The following NAP1L4 variants were observed in gnomAD, a reference collection of about 807,000 sequenced individuals.
NAP1L4 encodes the protein nucleosome assembly protein 1 like 4, also known as nucleosome assembly protein 1-like 4.
NAP1L4 carries 15 observed loss-of-function variants against 58.2 expected under a neutral mutation model. That is an observed-to-expected ratio of 0.26 (90% CI 0.17 to 0.40). NAP1L4 has a LOEUF of 0.40. NAP1L4 is among the 10% of genes least tolerant of loss of function. The probability of loss-of-function intolerance (pLI) is 1.00; values close to 1 mark genes in which losing one functional copy is unlikely to be tolerated. For missense variants in NAP1L4, 384 were observed against 451.1 expected, an observed-to-expected ratio of 0.85 and a Z score of 1.35; for synonymous variants, 171 against 155.6, an observed-to-expected ratio of 1.10 and a Z score of -0.74.
At chr11:2,953,975 G>A (rs1846377513) in intron 12 of NAP1L4, among the ~76,000 whole-genome samples, 1 of 152,222 alleles carries the variant, frequency 6.6e-6, no homozygotes, top group African/African-American at 2.4e-5. Context: ...GCGGTACTTG[G>A]GCTGTGCACC....
At position 2,971,894 on chromosome 11, in the gene NAP1L4, T is replaced by C. The variant is rs745484985; in HGVS notation, c.315+208A>G. Among the ~76,000 whole-genome samples, 3 of 152,230 alleles carry C rather than the reference T, an allele frequency of 2.0e-5. No individual in the cohort carries two copies. The highest frequency in any genetic ancestry group is 1.9e-4 in the East Asian group (1 of 5,200). ...ACGCGAGATACTCAGCACTTTATTA[T>C]AAAATAGGCTTTGTGGAAGATGATT... is the stretch of plus-strand genomic sequence containing the variant. On this transcript the variant is annotated intron_variant, in intron 5 of 15. Transcript: ENST00000380542. This position sits in a 1 kb window ranked among gnomAD's most constrained non-coding sequence, Gnocchi z 4.2.
rs1273828711 is a variant in NAP1L4 at position 2,971,649 on chromosome 11, CTTATT to C, written c.316-120_316-116del. The stretch of plus-strand genomic sequence containing the variant: ...CTTTGAAAACTGGATATTTTTATAA[CTTATT>C]TTAAGATTCTAAATTTTAGGGTTCA... On this transcript the variant is annotated intron_variant, in intron 5 of 15. Transcript: ENST00000380542. This position sits in a 1 kb window ranked among gnomAD's most constrained non-coding sequence, Gnocchi z 4.2. 26 of 813,316 alleles carry C rather than the reference CTTATT, an allele frequency of 3.2e-5. 1 individual carries two copies. Among genetic ancestry groups the C allele is most frequent in the Middle Eastern group, 7.1e-4 (2 of 2,810 alleles). 50.4% of individuals were successfully genotyped at this position (813,316 alleles called of 1,614,324 possible). A position where few individuals can be genotyped will look rare whatever the true frequency, so the allele number is the denominator to read the frequency against.
Position 2,949,170 on chromosome 11 carries a change from TGTATAAA to T in NAP1L4, c.*32+50_*32+56del, listed in dbSNP as rs1347137916. The stretch of plus-strand genomic sequence containing the variant: ...TTTATTCAAAGTCAAAACAATGCAT[TGTATAAA>T]GTATAGATCAGAAGTTTGGAAGTTA... On this transcript the variant is annotated intron_variant, in intron 15 of 15. Transcript: ENST00000380542. The surrounding 1 kb of genome is among the most constrained non-coding windows in gnomAD (Gnocchi z 4.0). 7.4e-7 allele frequency: 1 copy of T among 1,354,276 alleles called. No homozygotes were observed. Among genetic ancestry groups the T allele is most frequent in the Non-Finnish European group, 1.0e-6 (1 of 954,712 alleles). The allele number at this position is 1,354,276 out of a possible 1,614,324, so 83.9% of individuals were successfully genotyped here.
intron 9 of NAP1L4, 135 bp from the exon 10 acceptor site, chr11:2,958,679 T>C (rs1004024668): frequency 1.1e-5 from 9 of 849,824 alleles, no homozygotes; most frequent in Non-Finnish European, 1.4e-5. Context: ...CCAAATACAA[T>C]GGCCCATGAA....
intron 7 of NAP1L4, 152 bp downstream of exon 7, chr11:2,969,651 G>A (rs1847515988): frequency 2.9e-6 from 2 of 685,554 alleles, no homozygotes; most frequent in South Asian, 5.6e-5. Context: ...GTGAGATCAG[G>A]ACTGCTCATC....
chr11:2,953,240 A>G (rs540560581), intron 12 of NAP1L4, among the ~76,000 whole-genome samples: 3 of 152,384 alleles, frequency 2.0e-5, no homozygotes, highest in African/African-American at 7.2e-5. Flanking sequence ...CACAGTGCTC[A>G]CCAGCAGTAC....
chr11:2,987,359 G>T (rs1227203205), intron 1 of NAP1L4, among the ~76,000 whole-genome samples: 1 of 151,536 alleles, frequency 6.6e-6, no homozygotes, highest in Non-Finnish European at 1.5e-5. Context: ...GCGGGAGAGG[G>T]TCTCAAACTC....
At chr11:2,970,337 C>CA (rs970737475) in intron 6 of NAP1L4, among the ~76,000 whole-genome samples, 1 of 151,152 alleles carries the variant, frequency 6.6e-6, no homozygotes, top group South Asian at 2.1e-4. Context: ...TAGCACTGGG[C>CA]AAAAAAAGTC....
intron 6 of NAP1L4, among the ~76,000 whole-genome samples, chr11:2,970,258 C>T (rs1403087945): frequency 6.6e-6 from 1 of 152,162 alleles, no homozygotes; most frequent in Non-Finnish European, 1.5e-5. Context: ...AGACAATCAT[C>T]ATCACAAATG....
In NAP1L4 at chr11:2,951,077, A is replaced by C. The variant is rs1846198438; in HGVS notation, c.1122+182T>G. The C allele has an allele frequency of 1.7e-5, 11 of 649,776 alleles. No individual in the cohort carries two copies. Among genetic ancestry groups the C allele is most frequent in the Non-Finnish European group, 2.7e-5 (10 of 366,690 alleles). The allele number at this position is 649,776 out of a possible 1,614,324, so 40.3% of individuals were successfully genotyped here. On this transcript the variant is annotated intron_variant, in intron 14 of 15. Transcript: ENST00000380542. This position sits in a 1 kb window ranked among gnomAD's most constrained non-coding sequence, Gnocchi z 4.0. ...AAGCTTCTACTGAGTATGTACACTC[A>C]ACACTCAAATTATAGACACAGTGTC...
At position 2,951,804 on chromosome 11, in the gene NAP1L4, T is replaced by G. The variant is rs1302802086; in HGVS notation, c.1041A>C (p.Glu347Asp). The G allele has an allele frequency of 6.2e-7, 1 of 1,613,988 alleles. No homozygotes were observed. The highest frequency in any genetic ancestry group is 1.3e-5 in the African/African-American group (1 of 74,916). Residue 347 changes from glutamate (E) to aspartate (D), a missense_variant, in exon 13 of 16, where the codon GAA becomes GAC. This residue lies in a region of NAP1L4 where 296 missense variants were observed against 360.8 expected (regional missense o/e 0.82). Coordinates refer to ENST00000380542, the MANE Select transcript of NAP1L4 (RefSeq NM_005969.4). The surrounding 1 kb of genome is among the most constrained non-coding windows in gnomAD (Gnocchi z 4.0). ...GEAIEDDDNF[E>D]EGEEGEEEEL... Reference sequence around the variant, plus strand: ...CCTCCTCTTCTCCTTCTTCACCTTCTTCAAACTGGAGAAACACAGAAAAAC... The same window carrying G: ...CCTCCTCTTCTCCTTCTTCACCTTCGTCAAACTGGAGAAACACAGAAAAAC...
In NAP1L4 at chr11:2,954,576, G is replaced by A. The variant is rs1846416755; in HGVS notation, c.986C>T (p.Pro329Leu). 6.2e-7 allele frequency: 1 copy of A among 1,614,140 alleles called. No individual in the cohort carries two copies. The highest frequency in any genetic ancestry group is 8.5e-7 in the Non-Finnish European group (1 of 1,180,042). The change falls in exon 12 of 16, where the codon CCG (proline) becomes CTG (leucine). Residue 329 changes from proline to leucine, a missense_variant. Transcript: ENST00000380542. This position sits in a 1 kb window ranked among gnomAD's most constrained non-coding sequence, Gnocchi z 4.8. ...CCCAGTGAAGTACAGCACAGCCCGC[G>A]GGACTATCCGCTCACGGAAAAAGTG... ...IGHFFRERIV[P>L]RAVLYFTGEA...
Position 2,959,687 on chromosome 11 carries a change from C to T in NAP1L4, c.746+83G>A, listed in dbSNP as rs938480593. 1.3e-6 allele frequency: 2 copies of T among 1,517,130 alleles called. No individual in the cohort carries two copies. Among genetic ancestry groups the T allele is most frequent in the East Asian group, 4.5e-5 (2 of 44,160 alleles). 94.0% of individuals were successfully genotyped at this position (1,517,130 alleles called of 1,614,324 possible). ...GCAGACTCAAGACTGTACTTTATTC[C>T]TTACTTCTATCTTACCCATCAAGTT... On this transcript the variant is annotated intron_variant, in intron 9 of 15. Coordinates refer to ENST00000380542, the MANE Select transcript of NAP1L4 (RefSeq NM_005969.4). The surrounding 1 kb of genome is among the most constrained non-coding windows in gnomAD (Gnocchi z 4.9).
intron 7 of NAP1L4, among the ~76,000 whole-genome samples, chr11:2,967,615 A>C (rs1311328440): frequency 6.6e-6 from 1 of 150,958 alleles, no homozygotes; most frequent in East Asian, 1.9e-4. Context: ...CGTTAAAAAA[A>C]AAAAAAAAAG....
In NAP1L4 at chr11:2,951,842, AC is replaced by A; in HGVS notation, c.1036-34del. ...AACACAGAAAAACATTTTTAGGTTTACAAAACATGACAGCAGCCTGCCCAAG... is the reference window on the plus strand; with the variant it reads ...AACACAGAAAAACATTTTTAGGTTTAAAAACATGACAGCAGCCTGCCCAAG... On this transcript the variant is annotated intron_variant, in intron 12 of 15. Coordinates refer to ENST00000380542, the MANE Select transcript of NAP1L4 (RefSeq NM_005969.4). This position sits in a 1 kb window ranked among gnomAD's most constrained non-coding sequence, Gnocchi z 4.0. 1 of 1,606,158 alleles carries A rather than the reference AC, an allele frequency of 6.2e-7. No homozygotes were observed. The highest frequency in any genetic ancestry group is 8.5e-7 in the Non-Finnish European group (1 of 1,173,076).
intron 8 of NAP1L4, among the ~76,000 whole-genome samples, chr11:2,962,866 C>G (rs1012875418): frequency 6.6e-6 from 1 of 151,908 alleles, no homozygotes; most frequent in Non-Finnish European, 1.5e-5. Flanking sequence ...CTTTGGAAGG[C>G]TGAGGCGGGT....
intron 1 of NAP1L4, chr11:2,990,495 A>G (rs1203678254): frequency 6.6e-6 from 1 of 152,224 alleles, no homozygotes; most frequent in Non-Finnish European, 1.5e-5. Context: ...TCAAAATTCT[A>G]CTATAGGAGG....
rs550203289 is a variant in NAP1L4, at chr11:2,949,385, T to A, written c.1123-121A>T. ...ACAAAAGGGCTGCAAGATACTGAAC[T>A]CGGGGTGAACAACTTCAACACTAGA... On this transcript the variant is annotated intron_variant, in intron 14 of 15. Transcript: ENST00000380542. This position sits in a 1 kb window ranked among gnomAD's most constrained non-coding sequence, Gnocchi z 4.0. 1.1e-5 allele frequency: 9 copies of A among 800,432 alleles called. No individual in the cohort carries two copies. The African/African-American group carries it at 1.5e-4, about 14-fold the overall frequency. The allele number at this position is 800,432 out of a possible 1,614,324, so 49.6% of individuals were successfully genotyped here.
intron 1 of NAP1L4, chr11:2,989,203 A>T (rs1848814790): frequency 6.6e-6 from 1 of 152,128 alleles, no homozygotes; most frequent in Non-Finnish European, 1.5e-5. Context: ...ACTTCCTATC[A>T]CCATAGTGGT....
Sources: allele counts gnomAD v4.1 joint callset (sites outside exome capture counted in the v4.1 genomes callset), GRCh38; gene constraint gnomAD v4.1.1; regional missense constraint gnomAD v4.1.1; non-coding constraint Gnocchi (gnomAD v3.1); transcripts MANE v1.5; gene names NCBI Gene and HGNC (gene_info 2026-07-23, HGNC 2026-07-21).